NCOA6: variants seen among roughly 807,000 people sequenced by gnomAD.
NCOA6 encodes the protein nuclear receptor coactivator 6, also known as NRC RAP250.
Under a neutral mutation model 171.4 loss-of-function variants are expected in NCOA6, and 49 were observed. The ratio of observed to expected loss-of-function variants is 0.29; its 90% CI spans 0.23 to 0.36. NCOA6 has a LOEUF of 0.36. Ranked by LOEUF, NCOA6 falls within the 10% of genes least tolerant of loss-of-function variation. The pLI is 1.00. For missense variants in NCOA6, 2,248 were observed against 2,554.5 expected (o/e 0.88, Z 2.59); for synonymous variants, 910 against 927.5 (o/e 0.98, Z 0.34).
chr20:34,823,088 T>G (rs1323043806), intron 1 of NCOA6, among the ~76,000 whole-genome samples: 1 of 152,242 alleles, frequency 6.6e-6, no homozygotes, highest in African/African-American at 2.4e-5. Context: ...CATATTAGAT[T>G]TGTATATTTT....
chr20:34,788,299 G>A (rs2077752375), intron 2 of NCOA6, among the ~76,000 whole-genome samples: 1 of 152,042 alleles, frequency 6.6e-6, no homozygotes, highest in Non-Finnish European at 1.5e-5. Flanking sequence ...CCTGACCTCA[G>A]GTGATCCACC....
intron 7 of NCOA6, among the ~76,000 whole-genome samples, chr20:34,755,733 T>C (rs2076623434): frequency 6.6e-6 from 1 of 152,174 alleles, no homozygotes; most frequent in South Asian, 2.1e-4. Context: ...ATTTATTTAT[T>C]TACTTTTATT....
intron 5 of NCOA6, among the ~76,000 whole-genome samples, chr20:34,759,646 T>C (rs1458126228): frequency 6.6e-6 from 1 of 152,226 alleles, no homozygotes. Flanking sequence ...GAGATTCATC[T>C]CTCTTGACTG....
chr20:34,726,202 A>G (rs191913588), intron 14 of NCOA6, among the ~76,000 whole-genome samples: 1 of 152,278 alleles, frequency 6.6e-6, no homozygotes, highest in Non-Finnish European at 1.5e-5. Context: ...GTCAGAGGAG[A>G]TGGGATCAAA....
intron 1 of NCOA6, among the ~76,000 whole-genome samples, chr20:34,814,436 C>T (rs2078766538): frequency 6.6e-6 from 1 of 151,940 alleles, no homozygotes; most frequent in Non-Finnish European, 1.5e-5. Flanking sequence ...GTCATATATC[C>T]ATTAAAAATG....
chr20:34,819,184 A>T (rs1182304984), intron 1 of NCOA6: 1 of 152,186 alleles, frequency 6.6e-6, no homozygotes, highest in Non-Finnish European at 1.5e-5. Flanking sequence ...TGGGGGAGAC[A>T]ATATTCAATA....
At chr20:34,729,746 C>T (rs1187718815) in intron 13 of NCOA6, among the ~76,000 whole-genome samples, 1 of 152,138 alleles carries the variant, frequency 6.6e-6, no homozygotes, top group East Asian at 1.9e-4. Context: ...AGACTGTGAA[C>T]CTCTTAAGGA....
intron 9 of NCOA6, among the ~76,000 whole-genome samples, chr20:34,748,698 C>G (rs530021658): frequency 6.6e-6 from 1 of 152,230 alleles, no homozygotes; most frequent in East Asian, 1.9e-4. Flanking sequence ...AAATAACTCA[C>G]CTGGAGAACG....
In NCOA6 at chr20:34,715,232, A is replaced by G; in HGVS notation, c.*90T>C. ...CCACATTATTAAAATTACTAACTGT[A>G]CAGAAATTGATTTAAAAAAGTCACA... is the stretch of plus-strand genomic sequence containing the variant. On this transcript the variant is annotated 3_prime_UTR_variant, in exon 15 of 15. Transcript: ENST00000359003. 3 of 1,541,218 alleles carry G rather than the reference A, an allele frequency of 1.9e-6. No homozygotes were observed. Among genetic ancestry groups the G allele is most frequent in the Non-Finnish European group, 2.7e-6 (3 of 1,116,314 alleles).
At chr20:34,783,116 T>C (rs1455053371) in intron 2 of NCOA6, among the ~76,000 whole-genome samples, 2 of 152,010 alleles carry the variant, frequency 1.3e-5, no homozygotes, top group Non-Finnish European at 2.9e-5. Context: ...ACCCTGCCAC[T>C]ACTAAAACAC....
At chr20:34,780,367 TA>T (rs1258044390) in intron 3 of NCOA6, among the ~76,000 whole-genome samples, 1 of 152,236 alleles carries the variant, frequency 6.6e-6, no homozygotes, top group East Asian at 1.9e-4. Context: ...TATTTATTTT[TA>T]TTTTTTTGAG....
rs1282171342 is a variant in NCOA6 at position 34,757,964 on chromosome 20, G to C, written c.784C>G (p.Gln262Glu). 1 of 1,614,120 alleles carries C rather than the reference G, an allele frequency of 6.2e-7. No individual in the cohort carries two copies. Among genetic ancestry groups the C allele is most frequent in the Admixed American group, 1.7e-5 (1 of 60,014 alleles). Residue 262 changes from glutamine (Q) to glutamate (E), a missense_variant, in exon 7 of 15, where the codon CAG (glutamine) becomes GAG (glutamate). Around this residue, in one of 7 missense-constraint regions of NCOA6, gnomAD observed 987 missense variants for 1,104.7 expected, o/e 0.89. Transcript: ENST00000359003. ...TGCTGTTGTTGTTGTTGCTGCTGCT[G>C]CTGCAGCTGGGGAAAATTAGCTGGG... ...MNPANFPQLQ[Q>E]QQQQQQQQQQ...
rs545184014 is a variant in NCOA6, at chr20:34,746,424, G to T, written c.2914+383C>A. On this transcript the variant is annotated intron_variant, in intron 10 of 14. Transcript: ENST00000359003. ...CTGGCTAATTTTTAAAAAATTTTTA[G>T]TAGAGACAAGGTTTCACCATGTTGC... is the stretch of plus-strand genomic sequence containing the variant. 1.4e-4 allele frequency among the ~76,000 whole-genome samples: 22 copies of T among 152,166 alleles called. No homozygotes were observed. The East Asian group carries it at 4.1e-3, about 28-fold the overall frequency.
chr20:34,776,215 A>AAGC, intron 4 of NCOA6, 78 bp downstream of exon 4: 1 of 1,520,376 alleles, frequency 6.6e-7, no homozygotes, highest in Non-Finnish European at 8.9e-7. Flanking sequence ...GGAACAGACA[A>AAGC]AGCAGCACAG....
intron 13 of NCOA6, among the ~76,000 whole-genome samples, chr20:34,729,250 C>A (rs2145338072): frequency 1.3e-5 from 2 of 152,230 alleles, no homozygotes; most frequent in Admixed American, 1.3e-4. Context: ...AACGCCCAGC[C>A]CTATACACAT....
chr20:34,774,167 T>C (rs1166233376), intron 4 of NCOA6, among the ~76,000 whole-genome samples: 1 of 152,196 alleles, frequency 6.6e-6, no homozygotes, highest in East Asian at 1.9e-4. Flanking sequence ...AAAAACACTA[T>C]CAATTAAGGT....
intron 5 of NCOA6, among the ~76,000 whole-genome samples, chr20:34,764,512 G>T (rs1600913399): frequency 6.6e-6 from 1 of 151,840 alleles, no homozygotes; most frequent in East Asian, 2.0e-4. Context: ...TGGCCAAGAT[G>T]GTGAAACTAC....
At chr20:34,761,950 G>A (rs749308092) in intron 5 of NCOA6, among the ~76,000 whole-genome samples, 4 of 151,858 alleles carry the variant, frequency 2.6e-5, no homozygotes, top group Non-Finnish European at 4.4e-5. Context: ...TATCGTGCCC[G>A]GCTGACTGCA....
intron 1 of NCOA6, among the ~76,000 whole-genome samples, chr20:34,799,056 C>A (rs1412214588): frequency 6.6e-6 from 1 of 151,998 alleles, no homozygotes; most frequent in Non-Finnish European, 1.5e-5. Context: ...ACAGAGAATT[C>A]AAAACAGCTG....
Sources: allele counts gnomAD v4.1 joint callset (sites outside exome capture counted in the v4.1 genomes callset), GRCh38; gene constraint gnomAD v4.1.1; regional missense constraint gnomAD v4.1.1; transcripts MANE v1.5; gene names NCBI Gene and HGNC (gene_info 2026-07-23, HGNC 2026-07-21).